The following ARMC3 variants were observed in gnomAD, a reference collection of about 807,000 sequenced individuals.
The protein encoded by ARMC3 is armadillo repeat-containing protein 3.
Under a neutral mutation model 90.3 loss-of-function variants are expected in ARMC3, and 74 were observed. The observed-to-expected ratio is 0.82, with a 90% CI of 0.68 to 0.99. The LOEUF (loss-of-function observed/expected upper bound fraction) is 0.99. ARMC3 is among the 50% of genes least tolerant of loss of function. ARMC3 has a pLI of 0.00. For synonymous variants in ARMC3, 334 were observed against 361.8 expected, an observed-to-expected ratio of 0.92 and a Z score of 0.87; for missense variants, 958 against 1,042.8, an observed-to-expected ratio of 0.92 and a Z score of 1.12.
Position 23,006,943 on chromosome 10 carries a change from C to G in ARMC3, c.1791C>G (p.Asp597Glu). Residue 597 changes from aspartate to glutamate, a missense_variant, in exon 14 of 19, where the codon GAC becomes GAG. By Grantham distance (45) the Asp-to-Glu change is conservative. Coordinates refer to ENST00000298032, the MANE Select transcript of ARMC3 (RefSeq NM_173081.5). ...AGCTCTGCTTACAAGAACCAAGTGA[C>G]CTACGGGCTGTACTCTTAATCAACA... ...LKELCLQEPS[D>E]LRAVLLINSK... 6.2e-7 allele frequency: 1 copy of G among 1,613,676 alleles called. No homozygotes were observed. Among genetic ancestry groups the G allele is most frequent in the Non-Finnish European group, 8.5e-7 (1 of 1,179,844 alleles).
rs527253917 is a variant in ARMC3 at position 22,999,804 on chromosome 10, T to C, written c.1425+1407T>C. On this transcript the variant is annotated intron_variant, in intron 11 of 18. Transcript: ENST00000298032. Reference sequence around the variant, plus strand: ...TAATCTTTTTCTTCTGTCTCCTTGATCTCTATTCTGTCTCCCTTGTTTGTT... The same window carrying C: ...TAATCTTTTTCTTCTGTCTCCTTGACCTCTATTCTGTCTCCCTTGTTTGTT... 7.7e-4 allele frequency among the ~76,000 whole-genome samples: 118 copies of C among 152,266 alleles called. 1 individual carries two copies. Among genetic ancestry groups the C allele is most frequent in the African/African-American group, 2.7e-3 (114 of 41,540 alleles).
At chr10:23,034,768 T>C (rs1839059625) in intron 18 of ARMC3, among the ~76,000 whole-genome samples, 1 of 152,174 alleles carries the variant, frequency 6.6e-6, no homozygotes, top group Non-Finnish European at 1.5e-5. Flanking sequence ...CTCTTAAATA[T>C]TGGGGTTCCT....
At chr10:22,959,791 T>A (rs1240422566) in intron 6 of ARMC3, 1 of 629,966 alleles carries the variant, frequency 1.6e-6, no homozygotes, top group East Asian at 3.2e-5. Flanking sequence ...TGTGAAAAAG[T>A]ATTTTGGAAA....
Position 22,961,892 on chromosome 10 carries a change from G to A in ARMC3, c.546G>A (p.Gln182=), listed in dbSNP as rs768059647. The A allele has an allele frequency of 2.5e-6, 4 of 1,602,064 alleles. No homozygotes were observed. The highest frequency in any genetic ancestry group is 2.3e-5 in the East Asian group (1 of 44,398). Residue 182 remains glutamine, a synonymous_variant, in exon 7 of 19, where the codon CAG becomes CAA. Coordinates refer to ENST00000298032, the MANE Select transcript of ARMC3 (RefSeq NM_173081.5). The stretch of plus-strand genomic sequence containing the variant: ...TCTGTATTTTGTGGCAGGATTTTCA[G>A]TGTCGAGCTAAACTTCAAGAACTAA... ...ECIYNLVQDF[Q]CRAKLQELNA...
chr10:22,962,761 T>C lies in ARMC3; in HGVS notation c.732+683T>C, dbSNP rs1018473134. 7.9e-5 allele frequency among the ~76,000 whole-genome samples: 12 copies of C among 152,318 alleles called. No homozygotes were observed. In the East Asian group the frequency reaches 2.3e-3, roughly 29 times the overall value. On this transcript the variant is annotated intron_variant, in intron 7 of 18. Transcript: ENST00000298032. ...AGAAAAACGGAGTGGTAACTTTGTA[T>C]TCTGTTTCAAACTATCCAATTGTTA... is the stretch of plus-strand genomic sequence containing the variant.
chr10:23,002,426 C>G (rs1372902206), intron 12 of ARMC3, among the ~76,000 whole-genome samples: 1 of 152,204 alleles, frequency 6.6e-6, no homozygotes, highest in Non-Finnish European at 1.5e-5. Context: ...TCCCACCCAT[C>G]TAAAACTTTC....
At chr10:22,936,039 A>G (rs1395318664) in intron 2 of ARMC3, among the ~76,000 whole-genome samples, 2 of 152,204 alleles carry the variant, frequency 1.3e-5, no homozygotes, top group East Asian at 1.9e-4. Context: ...AAATCACTCA[A>G]CTGTGATGAT....
chr10:22,930,390 C>T (rs1295273443), intron 1 of ARMC3, among the ~76,000 whole-genome samples: 4 of 152,102 alleles, frequency 2.6e-5, no homozygotes, highest in Non-Finnish European at 5.9e-5. Context: ...TCTCATTTTA[C>T]AAGAATTTCC....
Position 22,958,542 on chromosome 10 carries a change from GA to G in ARMC3, c.293-526del, listed in dbSNP as rs1835050126. 4.6e-5 allele frequency among the ~76,000 whole-genome samples: 7 copies of G among 152,248 alleles called. No individual in the cohort carries two copies. In the South Asian group the frequency reaches 1.5e-3, roughly 32 times the overall value. On this transcript the variant is annotated intron_variant, in intron 4 of 18. Transcript: ENST00000298032. Reference sequence around the variant, plus strand: ...ATGGTTGTTTCTAGTGTCTTAGAAGGAAGTACAGCTCATGATCGAGGAATAT... The same window carrying G: ...ATGGTTGTTTCTAGTGTCTTAGAAGGAGTACAGCTCATGATCGAGGAATAT...
chr10:22,937,571 G>A (rs1482616174), intron 2 of ARMC3, among the ~76,000 whole-genome samples: 1 of 152,090 alleles, frequency 6.6e-6, no homozygotes, highest in Non-Finnish European at 1.5e-5. Flanking sequence ...GGGCAATCAA[G>A]GAACCTTATG....
intron 3 of ARMC3, among the ~76,000 whole-genome samples, chr10:22,947,617 T>C (rs561685699): frequency 6.6e-6 from 1 of 152,284 alleles, no homozygotes; most frequent in South Asian, 2.1e-4. Flanking sequence ...AGAAAGAAGA[T>C]ATTAGGTTAA....
In ARMC3 at chr10:22,946,184, T is replaced by C. The variant is rs1195888313; in HGVS notation, c.89T>C (p.Val30Ala). The C allele has an allele frequency of 1.2e-6, 2 of 1,612,794 alleles. No homozygotes were observed. Among genetic ancestry groups the C allele is most frequent in the Non-Finnish European group, 1.7e-6 (2 of 1,179,576 alleles). The stretch of plus-strand genomic sequence containing the variant: ...ATTGAAAGCAAAAAAGCAGCAACTG[T>C]GGTGTTAATGCTTAATTCTCCAGAA... ...LMIESKKAAT[V>A]VLMLNSPEEE... Residue 30 changes from valine to alanine, a missense_variant, in exon 3 of 19, where the codon GTG becomes GCG. Physicochemically the swap from Val to Ala is moderately conservative, Grantham distance 64. Coordinates refer to ENST00000298032, the MANE Select transcript of ARMC3 (RefSeq NM_173081.5).
chr10:23,007,067 A>T, intron 14 of ARMC3, 86 bp downstream of exon 14: 1 of 1,122,086 alleles, frequency 8.9e-7, no homozygotes, highest in Non-Finnish European at 1.3e-6. Context: ...ATATGCAAAG[A>T]TTCCCAGACC....
intron 18 of ARMC3, among the ~76,000 whole-genome samples, chr10:23,035,026 T>A: frequency 6.6e-6 from 1 of 152,320 alleles, no homozygotes; most frequent in East Asian, 1.9e-4. Context: ...GACTGGAAGA[T>A]TAAACAGCAT....
chr10:23,001,542 G>A (rs1053447236), intron 11 of ARMC3, among the ~76,000 whole-genome samples: 3 of 152,158 alleles, frequency 2.0e-5, no homozygotes, highest in Non-Finnish European at 4.4e-5. Flanking sequence ...CCAGGGATGA[G>A]GATATCTTTG....
At chr10:22,989,786 A>G (rs1250519969) in intron 10 of ARMC3, among the ~76,000 whole-genome samples, 1 of 152,192 alleles carries the variant, frequency 6.6e-6, no homozygotes, top group East Asian at 1.9e-4. Context: ...TGCCCCTTAG[A>G]GCCTAGATTC....
chr10:22,938,372 C>T (rs1396948162), intron 2 of ARMC3, among the ~76,000 whole-genome samples: 1 of 152,002 alleles, frequency 6.6e-6, no homozygotes, highest in East Asian at 1.9e-4. Context: ...TGGATTTTTC[C>T]CTAAGGTGCA....
At chr10:23,024,093 T>G (rs1477856803) in intron 16 of ARMC3, among the ~76,000 whole-genome samples, 1 of 152,178 alleles carries the variant, frequency 6.6e-6, no homozygotes, top group Admixed American at 6.5e-5. Flanking sequence ...AGAAAAACTA[T>G]GCATTTCTTG....
intron 16 of ARMC3, among the ~76,000 whole-genome samples, chr10:23,016,156 C>A (rs1315961773): frequency 1.5e-4 from 23 of 152,186 alleles, no homozygotes; most frequent in Admixed American, 1.5e-3. Context: ...GAGACTTTCA[C>A]ATCTTTATCA....
Sources: allele counts gnomAD v4.1 joint callset (sites outside exome capture counted in the v4.1 genomes callset), GRCh38; gene constraint gnomAD v4.1.1; transcripts MANE v1.5; gene names NCBI Gene and HGNC (gene_info 2026-07-23, HGNC 2026-07-21).